The following FOCAD variants were observed in gnomAD, a reference collection of about 807,000 sequenced individuals.
FOCAD encodes focadhesin, also known as KIAA1797.
FOCAD carries 198 observed loss-of-function variants against 225.6 expected under a neutral mutation model. That is an observed-to-expected ratio of 0.88 (90% CI 0.78 to 0.99). The LOEUF (loss-of-function observed/expected upper bound fraction) is 0.99, where lower values mean the gene tolerates loss of function less well. Among genes scored for constraint, FOCAD ranks in the 50% least tolerant of loss-of-function variants. FOCAD has a pLI of 0.00. For missense variants in FOCAD, 2,713 were observed against 2,123.6 expected, an observed-to-expected ratio of 1.28 and a Z score of -5.46; for synonymous variants, 897 against 755.0, an observed-to-expected ratio of 1.19 and a Z score of -3.08.
intron 35 of FOCAD, among the ~76,000 whole-genome samples, chr9:20,975,223 C>T (rs766026690): frequency 1.3e-5 from 2 of 152,086 alleles, no homozygotes; most frequent in African/African-American, 2.4e-5. Flanking sequence ...TTTACATGGC[C>T]CTTAATGGCT....
intron 24 of FOCAD, among the ~76,000 whole-genome samples, chr9:20,921,255 T>A (rs1389445213): frequency 6.6e-6 from 1 of 152,198 alleles, no homozygotes; most frequent in Non-Finnish European, 1.5e-5. Flanking sequence ...TAAGAAAGCA[T>A]CATTGTAGCT....
intron 6 of FOCAD, among the ~76,000 whole-genome samples, chr9:20,762,516 C>T (rs556733357): frequency 2.0e-5 from 3 of 152,152 alleles, no homozygotes; most frequent in South Asian, 4.2e-4. Flanking sequence ...GTAAATTTTA[C>T]CAAGTGAATA....
chr9:20,827,490 T>A (rs1825021141), intron 15 of FOCAD, among the ~76,000 whole-genome samples: 1 of 151,892 alleles, frequency 6.6e-6, no homozygotes, highest in Non-Finnish European at 1.5e-5. Flanking sequence ...AAGAAAATTG[T>A]GGCGTGTGTG....
chr9:20,969,387 C>T (rs1274991018), intron 35 of FOCAD, among the ~76,000 whole-genome samples: 1 of 151,910 alleles, frequency 6.6e-6, no homozygotes, highest in Non-Finnish European at 1.5e-5. Context: ...AGCCTCCAAC[C>T]GTTACTGTAG....
At chr9:20,661,226 C>G (rs557086802) in intron 2 of FOCAD, among the ~76,000 whole-genome samples, 7 of 152,094 alleles carry the variant, frequency 4.6e-5, no homozygotes, top group Non-Finnish European at 7.4e-5. Flanking sequence ...GGTTGGGAGA[C>G]AACCAAAGAC....
At chr9:20,736,449 A>G (rs994842794) in intron 4 of FOCAD, among the ~76,000 whole-genome samples, 1 of 152,156 alleles carries the variant, frequency 6.6e-6, no homozygotes, top group Non-Finnish European at 1.5e-5. Flanking sequence ...AATAATTTTC[A>G]TTTTGCAGGA....
chr9:20,958,137 G>GT (rs1171495867), intron 35 of FOCAD, among the ~76,000 whole-genome samples: 2 of 151,954 alleles, frequency 1.3e-5, no homozygotes, highest in Non-Finnish European at 2.9e-5. Context: ...ATAATTGACT[G>GT]TTTTTTATAG....
intron 10 of FOCAD, among the ~76,000 whole-genome samples, chr9:20,784,942 A>G (rs1482325265): frequency 6.6e-6 from 1 of 150,504 alleles, no homozygotes; most frequent in Non-Finnish European, 1.5e-5. Context: ...TTTTTTTTTT[A>G]ATCTATTTCC....
chr9:20,772,490 A>G (rs2131022774), intron 8 of FOCAD, among the ~76,000 whole-genome samples: 1 of 152,328 alleles, frequency 6.6e-6, no homozygotes, highest in African/African-American at 2.4e-5. Flanking sequence ...AGGATCATAT[A>G]TAACCAGCAG....
intron 1 of FOCAD, among the ~76,000 whole-genome samples, chr9:20,705,011 T>C (rs1458071006): frequency 6.6e-6 from 1 of 152,216 alleles, no homozygotes; most frequent in Non-Finnish European, 1.5e-5. Flanking sequence ...GGAATTCCAG[T>C]TCTGTCACTT....
intron 21 of FOCAD, among the ~76,000 whole-genome samples, chr9:20,891,547 A>G (rs1056121940): frequency 1.3e-5 from 2 of 152,208 alleles, no homozygotes; most frequent in East Asian, 3.8e-4. Context: ...GGTTTGGATA[A>G]AGGAACGAAC....
chr9:20,690,343 T>C (rs1414920998), intron 1 of FOCAD, among the ~76,000 whole-genome samples: 4 of 152,230 alleles, frequency 2.6e-5, no homozygotes, highest in African/African-American at 9.6e-5. Context: ...TATTTTTCCA[T>C]GTTAAAATAA....
chr9:20,783,926 G>C (rs1053357334), intron 10 of FOCAD, among the ~76,000 whole-genome samples: 5 of 152,158 alleles, frequency 3.3e-5, no homozygotes, highest in African/African-American at 1.2e-4. Context: ...TTATTAGCAA[G>C]AGGTGTTTAG....
chr9:20,930,657 C>T lies in FOCAD; in HGVS notation c.3317+1061C>T, dbSNP rs1835379369. Among the ~76,000 whole-genome samples, 2 of 152,048 alleles carry T rather than the reference C, an allele frequency of 1.3e-5. 1 individual carries two copies. Among genetic ancestry groups the T allele is most frequent in the Non-Finnish European group, 2.9e-5 (2 of 68,020 alleles). On this transcript the variant is annotated intron_variant, in intron 27 of 43. Transcript: ENST00000338382. ...AATTGCTATTGATTTTGGGGAATAC[C>T]ATATTTCAGATGATCATTTTCAGCT...
At chr9:20,716,433 G>A (rs1825342468) in intron 2 of FOCAD, among the ~76,000 whole-genome samples, 2 of 151,820 alleles carry the variant, frequency 1.3e-5, no homozygotes, top group African/African-American at 4.8e-5. Flanking sequence ...TTTATCCTTG[G>A]GTTTTGTATT....
intron 4 of FOCAD, among the ~76,000 whole-genome samples, chr9:20,735,951 T>G (rs553750472): frequency 6.6e-6 from 1 of 152,304 alleles, no homozygotes; most frequent in Admixed American, 6.5e-5. Flanking sequence ...TGTGCAATCA[T>G]GCATTCTAAT....
At chr9:20,888,201 C>T (rs1287270396) in intron 21 of FOCAD, among the ~76,000 whole-genome samples, 5 of 131,642 alleles carry the variant, frequency 3.8e-5, no homozygotes, top group African/African-American at 5.9e-5. Context: ...TGCAGTGGTG[C>T]GATCTCAGCT....
At chr9:20,954,775 C>T (rs1366489569) in intron 35 of FOCAD, among the ~76,000 whole-genome samples, 2 of 152,150 alleles carry the variant, frequency 1.3e-5, no homozygotes, top group Non-Finnish European at 1.5e-5. Flanking sequence ...AGAGGGCTGT[C>T]GTCTTGTCAG....
At chr9:20,796,134 G>T (rs1274460846) in intron 11 of FOCAD, among the ~76,000 whole-genome samples, 1 of 152,086 alleles carries the variant, frequency 6.6e-6, no homozygotes, top group Non-Finnish European at 1.5e-5. Flanking sequence ...TCCCTACAAA[G>T]GACATGAACT....
Sources: allele counts gnomAD v4.1 joint callset (sites outside exome capture counted in the v4.1 genomes callset), GRCh38; gene constraint gnomAD v4.1.1; transcripts MANE v1.5; gene names NCBI Gene and HGNC (gene_info 2026-07-23, HGNC 2026-07-21).